PARD3B: variants seen among roughly 807,000 people sequenced by gnomAD.
PARD3B encodes the protein par-3 family cell polarity regulator beta.
Under a neutral mutation model 130.2 loss-of-function variants are expected in PARD3B, and 103 were observed. The observed-to-expected ratio is 0.79, with a 90% CI of 0.67 to 0.93. PARD3B has a LOEUF of 0.93. PARD3B is among the 40% of genes least tolerant of loss of function. PARD3B has a pLI of 0.00. For synonymous variants in PARD3B, 583 were observed against 553.2 expected (o/e 1.05, Z -0.76); for missense variants, 1,609 against 1,499.2 (o/e 1.07, Z -1.21).
chr2:205,096,888 T>C (rs1399652440), intron 4 of PARD3B, among the ~76,000 whole-genome samples: 3 of 152,228 alleles, frequency 2.0e-5, no homozygotes, highest in Non-Finnish European at 2.9e-5. Context: ...TAGTCTTTCG[T>C]ATAAATAATT....
At chr2:204,653,805 A>T in intron 1 of PARD3B, among the ~76,000 whole-genome samples, 1 of 147,582 alleles carries the variant, frequency 6.8e-6, no homozygotes, top group East Asian at 2.0e-4. Context: ...AAAAAAAAAA[A>T]GAAGTTGAAA....
chr2:204,899,372 C>G (rs372319983), intron 2 of PARD3B, among the ~76,000 whole-genome samples: 3 of 151,184 alleles, frequency 2.0e-5, no homozygotes, highest in East Asian at 1.9e-4. Flanking sequence ...TTATATTGTT[C>G]GTGAGTCTGT....
chr2:205,115,315 C>T (rs1250261354), intron 6 of PARD3B, among the ~76,000 whole-genome samples: 2 of 152,074 alleles, frequency 1.3e-5, no homozygotes, highest in East Asian at 3.9e-4. Flanking sequence ...GGATTTGAAT[C>T]CCAGTGTTCT....
At chr2:204,941,288 C>T (rs1003668921) in intron 2 of PARD3B, among the ~76,000 whole-genome samples, 5 of 152,106 alleles carry the variant, frequency 3.3e-5, no homozygotes, top group Non-Finnish European at 7.3e-5. Flanking sequence ...GGAGGAGAAT[C>T]GCTGGAGCCC....
intron 2 of PARD3B, among the ~76,000 whole-genome samples, chr2:204,879,280 A>G (rs1385649934): frequency 6.6e-6 from 1 of 152,182 alleles, no homozygotes; most frequent in Non-Finnish European, 1.5e-5. Flanking sequence ...GTGACAGGCA[A>G]CCCACAAAGT....
At chr2:205,500,099 G>A (rs905176923) in intron 21 of PARD3B, 68 bp downstream of exon 21, 29 of 1,545,324 alleles carry the variant, frequency 1.9e-5, no homozygotes, top group African/African-American at 2.7e-5. Flanking sequence ...AGAAGAACAC[G>A]GTCAAGAATG....
At chr2:205,251,122 A>G (rs2039829346) in intron 16 of PARD3B, among the ~76,000 whole-genome samples, 2 of 152,056 alleles carry the variant, frequency 1.3e-5, no homozygotes, top group South Asian at 4.1e-4. Context: ...ATACATCTTT[A>G]CTTGCGTTGT....
rs1287537596 is a variant in PARD3B, at chr2:205,105,044, T to C, written c.593+530T>C. Among the ~76,000 whole-genome samples, 1 of 152,206 alleles carries C rather than the reference T, an allele frequency of 6.6e-6. No homozygotes were observed. The highest frequency in any genetic ancestry group is 1.5e-5 in the Non-Finnish European group (1 of 68,026). ...TGTCAGTGGCTGCCATGTTTCCCAG[T>C]ACTTTCTTTGCTTTGCATTGATTCC... On this transcript the variant is annotated intron_variant, in intron 5 of 22. Transcript: ENST00000406610. The surrounding 1 kb of genome is among the most constrained non-coding windows in gnomAD (Gnocchi z 4.0).
In PARD3B at chr2:205,617,317, C is replaced by G. The variant is rs2055467307; in HGVS notation, c.*1504C>G. The G allele has an allele frequency of 6.6e-6, 1 of 152,172 alleles. No individual in the cohort carries two copies. The highest frequency in any genetic ancestry group is 2.4e-5 in the African/African-American group (1 of 41,418). 9.4% of individuals were successfully genotyped at this position (152,172 alleles called of 1,614,324 possible). A position where few individuals can be genotyped will look rare whatever the true frequency, so the allele number is the denominator to read the frequency against. On this transcript the variant is annotated 3_prime_UTR_variant, in exon 23 of 23. Transcript: ENST00000406610. ...GCACTGACATTTGAAATGCTTTAAG[C>G]CTTTTCACATTCCTTCTTTATTCCC...
At chr2:205,500,968 T>C (rs1459063280) in intron 21 of PARD3B, among the ~76,000 whole-genome samples, 1 of 152,136 alleles carries the variant, frequency 6.6e-6, no homozygotes, top group East Asian at 1.9e-4. Context: ...AGACACCGGC[T>C]CCTTTGAAAG....
intron 3 of PARD3B, among the ~76,000 whole-genome samples, chr2:204,974,067 T>A (rs886919864): frequency 6.6e-6 from 1 of 152,210 alleles, no homozygotes; most frequent in Admixed American, 6.5e-5. Flanking sequence ...TGGGAAAATG[T>A]TGATCGCTAT....
chr2:205,283,282 C>G lies in PARD3B; in HGVS notation c.2186-17248C>G, dbSNP rs115967342. On this transcript the variant is annotated intron_variant, in intron 16 of 22. Transcript: ENST00000406610. ...TGTCCTAGCAATTCAAGAAGCCAAA[C>G]TTTTTTTGTTTGTTTGTTTTTGAGA... is the stretch of plus-strand genomic sequence containing the variant. 6.5e-3 allele frequency among the ~76,000 whole-genome samples: 989 copies of G among 152,184 alleles called. 11 individuals are homozygous for G. The highest frequency in any genetic ancestry group is 0.022 in the African/African-American group (922 of 41,526).
intron 22 of PARD3B, among the ~76,000 whole-genome samples, chr2:205,608,257 A>T (rs2055089917): frequency 6.6e-6 from 1 of 151,952 alleles, no homozygotes; most frequent in Admixed American, 6.5e-5. Flanking sequence ...TGAACCTGTT[A>T]GCCCCCAAAG....
At chr2:205,595,940 G>A (rs527916640) in intron 22 of PARD3B, among the ~76,000 whole-genome samples, 1 of 152,016 alleles carries the variant, frequency 6.6e-6, no homozygotes, top group Admixed American at 6.6e-5. Context: ...AAAAAAAGAA[G>A]AAGTAATGAT....
At chr2:204,728,296 A>G (rs1174995940) in intron 2 of PARD3B, among the ~76,000 whole-genome samples, 1 of 152,170 alleles carries the variant, frequency 6.6e-6, no homozygotes, top group African/African-American at 2.4e-5. Context: ...CTTTACTACC[A>G]TAGTGAACAA....
chr2:205,235,285 G>A lies in PARD3B; in HGVS notation c.2141-10493G>A, dbSNP rs116561302. ...AAAATACAAAAAGTTAGTCGGGCAT[G>A]GTGGCATTTGCCTGTAGTCCTAGCT... On this transcript the variant is annotated intron_variant, in intron 15 of 22. Coordinates refer to ENST00000406610, the MANE Select transcript of PARD3B (RefSeq NM_001302769.2). Among the ~76,000 whole-genome samples the A allele has an allele frequency of 6.4e-3, 979 of 152,176 alleles. 13 individuals are homozygous for A. The highest frequency in any genetic ancestry group is 0.022 in the African/African-American group (923 of 41,514).
At chr2:205,517,229 G>A (rs193075059) in intron 21 of PARD3B, among the ~76,000 whole-genome samples, 1 of 152,094 alleles carries the variant, frequency 6.6e-6, no homozygotes, top group South Asian at 2.1e-4. Flanking sequence ...AAGCTTTGTT[G>A]TTGTTGTGTC....
chr2:204,998,134 C>A (rs1351849043), intron 3 of PARD3B, among the ~76,000 whole-genome samples: 1 of 148,510 alleles, frequency 6.7e-6, no homozygotes, highest in African/African-American at 2.5e-5. Context: ...TTAGAGAAGA[C>A]ACGGGGAGGG....
intron 2 of PARD3B, among the ~76,000 whole-genome samples, chr2:204,774,516 C>A (rs904737999): frequency 1.3e-5 from 2 of 152,046 alleles, no homozygotes; most frequent in African/African-American, 4.8e-5. Flanking sequence ...TTAGACCCTT[C>A]TGATTGCTCA....
Sources: allele counts gnomAD v4.1 joint callset (sites outside exome capture counted in the v4.1 genomes callset), GRCh38; gene constraint gnomAD v4.1.1; non-coding constraint Gnocchi (gnomAD v3.1); transcripts MANE v1.5; gene names NCBI Gene and HGNC (gene_info 2026-07-23, HGNC 2026-07-21).